IDH3A: variants seen among roughly 807,000 people sequenced by gnomAD.
IDH3A encodes isocitrate dehydrogenase [NAD] subunit alpha, mitochondrial.
IDH3A carries 23 observed loss-of-function variants against 43.3 expected under a neutral mutation model. That is an observed-to-expected ratio of 0.53 (90% CI 0.38 to 0.75). The LOEUF is 0.75. Among genes scored for constraint, IDH3A ranks in the 30% least tolerant of loss-of-function variants. IDH3A has a pLI of 0.00. For missense variants in IDH3A, 329 were observed against 474.4 expected, an observed-to-expected ratio of 0.69 and a Z score of 2.85; for synonymous variants, 154 against 163.5, an observed-to-expected ratio of 0.94 and a Z score of 0.44.
rs1233202248 is a variant in IDH3A, at chr15:78,158,477, T to A, written c.174+846T>A. ...TATATATATATATTTTTTTTTTTTTTTTTTTTTTTTTTTTTTGAGACAGAG... is the reference window on the plus strand; with the variant it reads ...TATATATATATATTTTTTTTTTTTTATTTTTTTTTTTTTTTTGAGACAGAG... On this transcript the variant is annotated intron_variant, in intron 3 of 10. Transcript: ENST00000299518. Among the ~76,000 whole-genome samples, 3 of 73,320 alleles carry A rather than the reference T, an allele frequency of 4.1e-5. 1 individual carries two copies. The highest frequency in any genetic ancestry group is 1.0e-4 in the African/African-American group (2 of 19,448). 48.1% of individuals were successfully genotyped at this position (73,320 alleles called of 152,430 possible). A position where few individuals can be genotyped will look rare whatever the true frequency, so the allele number is the denominator to read the frequency against.
In IDH3A at chr15:78,171,459, T is replaced by G. The variant is rs545427158; in HGVS notation, c.*2454T>G. 38 of 1,614,112 alleles carry G rather than the reference T, an allele frequency of 2.4e-5. No homozygotes were observed. The South Asian group carries it at 3.7e-4, about 16-fold the overall frequency. On this transcript the variant is annotated 3_prime_UTR_variant, in exon 11 of 11. Coordinates refer to ENST00000299518, the MANE Select transcript of IDH3A (RefSeq NM_005530.3). ...TAGGCCCTGATTACATTTTTTGCTC[T>G]TGGTAAAAGGAGTCAATGATACCTT...
chr15:78,157,486 CT>C (rs1194783386), intron 2 of IDH3A, 61 bp from the exon 3 acceptor site: 8 of 1,127,330 alleles, frequency 7.1e-6, no homozygotes, highest in African/African-American at 1.6e-5. Context: ...TCAAAATATT[CT>C]TTTTTAAGCC....
At chr15:78,165,991 G>C in intron 9 of IDH3A, 159 bp from the exon 10 acceptor site, 1 of 671,446 alleles carries the variant, frequency 1.5e-6, no homozygotes, top group South Asian at 2.0e-5. Context: ...GCCCAACCCA[G>C]ACTTTATTTC....
intron 3 of IDH3A, 92 bp from the exon 4 acceptor site, chr15:78,160,000 C>T (rs376228914): frequency 1.3e-5 from 10 of 788,148 alleles, no homozygotes; most frequent in South Asian, 8.6e-5. Context: ...ATCTCAAAAA[C>T]GAAGTTGAAA....
Sources: allele counts gnomAD v4.1 joint callset (sites outside exome capture counted in the v4.1 genomes callset), GRCh38; gene constraint gnomAD v4.1.1; transcripts MANE v1.5; gene names NCBI Gene and HGNC (gene_info 2026-07-23, HGNC 2026-07-21).